Variants in CC2D2A observed in about 807,000 individuals in gnomAD.
CC2D2A encodes the protein coiled-coil and C2 domain containing 2A, also known as coiled-coil and C2 domain-containing protein 2A.
CC2D2A carries 155 observed loss-of-function variants against 212.9 expected under a neutral mutation model. The observed-to-expected ratio is 0.73, with a 90% CI of 0.64 to 0.83. The LOEUF is 0.83. Among genes scored for constraint, CC2D2A ranks in the 40% least tolerant of loss-of-function variants. The pLI is 0.00. For missense variants in CC2D2A, 1,856 were observed against 1,956.2 expected (o/e 0.95, Z 0.97); for synonymous variants, 667 against 686.5 (o/e 0.97, Z 0.44).
chr4:15,534,401 C>T (rs1718013299), intron 14 of CC2D2A, among the ~76,000 whole-genome samples: 1 of 152,134 alleles, frequency 6.6e-6, no homozygotes, highest in African/African-American at 2.4e-5. Context: ...TATAGATATT[C>T]TATGATATTG....
intron 16 of CC2D2A, among the ~76,000 whole-genome samples, chr4:15,539,696 T>C (rs1171594746): frequency 6.6e-6 from 1 of 152,230 alleles, no homozygotes; most frequent in Non-Finnish European, 1.5e-5. Flanking sequence ...CCATACCCTA[T>C]AATTTTAATT....
chr4:15,495,391 G>A (rs542125269), intron 4 of CC2D2A, among the ~76,000 whole-genome samples: 3 of 152,284 alleles, frequency 2.0e-5, no homozygotes, highest in South Asian at 2.1e-4. Context: ...TTACAGGCAT[G>A]AGCCACCACG....
At chr4:15,517,239 G>A (rs1408154050) in intron 11 of CC2D2A, among the ~76,000 whole-genome samples, 3 of 151,718 alleles carry the variant, frequency 2.0e-5, no homozygotes, top group Non-Finnish European at 2.9e-5. Context: ...GAGCCACCGC[G>A]CCCAGCCCAA....
intron 35 of CC2D2A, among the ~76,000 whole-genome samples, chr4:15,598,599 T>G (rs1317158855): frequency 6.6e-6 from 1 of 152,232 alleles, no homozygotes; most frequent in African/African-American, 2.4e-5. Context: ...CATTCCATGC[T>G]TAAACTTCAC....
chr4:15,472,741 T>C (rs1713921362), intron 1 of CC2D2A, among the ~76,000 whole-genome samples: 2 of 152,082 alleles, frequency 1.3e-5, no homozygotes, highest in African/African-American at 4.8e-5. Flanking sequence ...GCCCCCTCAT[T>C]CACTCTAGGT....
At chr4:15,507,995 T>G (rs907226816) in intron 6 of CC2D2A, among the ~76,000 whole-genome samples, 15 of 152,248 alleles carry the variant, frequency 9.9e-5, no homozygotes, top group Admixed American at 8.5e-4. Flanking sequence ...TTAGGAGAGA[T>G]AGGGAATTTG....
intron 4 of CC2D2A, among the ~76,000 whole-genome samples, chr4:15,486,331 A>T (rs1264308078): frequency 6.6e-6 from 1 of 151,948 alleles, no homozygotes; most frequent in Non-Finnish European, 1.5e-5. Flanking sequence ...CTTCTATCTC[A>T]TTACTTGTTT....
rs768618373 is a variant in CC2D2A, at chr4:15,516,698, C to G, written c.1091C>G (p.Pro364Arg). 1 of 1,613,348 alleles carries G rather than the reference C, an allele frequency of 6.2e-7. No individual in the cohort carries two copies. The highest frequency in any genetic ancestry group is 1.3e-5 in the African/African-American group (1 of 75,016). Residue 364 changes from proline (P) to arginine (R), a missense_variant, in exon 11 of 37, where the codon CCG becomes CGG. Physicochemically the swap from Pro to Arg is moderately radical, Grantham distance 103. Transcript: ENST00000424120. ...CCCATCAAGCCATTTCCTTCAAGGC[C>G]GCCAGTACTAACACAGGAGCAGAGC... ...PNPIKPFPSR[P>R]PVLTQEQSIK...
Position 15,559,219 on chromosome 4 carries a change from G to C in CC2D2A, c.2884G>C (p.Asp962His). The change falls in exon 22 of 37, where the codon GAC becomes CAC. Residue 962 changes from aspartate to histidine, a missense_variant. Asp to His is a moderately conservative substitution (Grantham distance 81). Transcript: ENST00000424120. ...TGTAATAGAAACCAAGGAACACATA[G>C]ACACCCATAGGGCCATAGTAGCCAA... Reference protein sequence around the residue: ...RNVIETKEHIDTHRAIVAKYL... With the variant: ...RNVIETKEHIHTHRAIVAKYL... 1 of 1,554,114 alleles carries C rather than the reference G, an allele frequency of 6.4e-7. No individual in the cohort carries two copies. The highest frequency in any genetic ancestry group is 2.4e-5 in the East Asian group (1 of 41,160).
At chr4:15,564,340 C>G (rs1376829448) in intron 24 of CC2D2A, 2 of 151,944 alleles carry the variant, frequency 1.3e-5, no homozygotes, top group Non-Finnish European at 1.5e-5. Flanking sequence ...GCTGGGATTA[C>G]TGGTGTGAGC....
intron 8 of CC2D2A, 81 bp downstream of exon 8, chr4:15,511,504 G>GCAGGTTTCTC: frequency 7.6e-7 from 1 of 1,323,132 alleles, no homozygotes; most frequent in Non-Finnish European, 9.9e-7. Context: ...AAAGAAAGTG[G>GCAGGTTTCTC]CTGAGGAGAA....
rs560524186 is a variant in CC2D2A at position 15,589,013 on chromosome 4, C to A, written c.4180-532C>A. ...TGTCAGAAGATCCAGAATACCTTGA[C>A]AAGGGACTTCTACTTCCCCAACCCC... On this transcript the variant is annotated intron_variant, in intron 32 of 36. Transcript: ENST00000424120. Among the ~76,000 whole-genome samples, 6 of 151,952 alleles carry A rather than the reference C, an allele frequency of 3.9e-5. No homozygotes were observed. In the East Asian group the frequency reaches 1.2e-3, roughly 30 times the overall value.
At chr4:15,579,846 C>A (rs1017521204) in intron 29 of CC2D2A, 122 bp from the exon 30 acceptor site, 8 of 743,910 alleles carry the variant, frequency 1.1e-5, no homozygotes, top group Non-Finnish European at 1.8e-5. Flanking sequence ...GACATGACAG[C>A]TTTGTAAGGA....
At chr4:15,541,434 T>C (rs1182371863) in intron 17 of CC2D2A, among the ~76,000 whole-genome samples, 3 of 152,170 alleles carry the variant, frequency 2.0e-5, no homozygotes, top group Non-Finnish European at 4.4e-5. Context: ...TATGTCTCGA[T>C]AGAGTCTCAA....
Position 15,475,953 on chromosome 4 carries a change from A to G in CC2D2A, c.21A>G (p.Lys7=). ...CCAAAATGAATCCCAGGGAAGAAAA[A>G]GTAAAAATAATTACAGAGGTAAGTG... The part of the protein sequence containing the change: MNPREE[K]VKIITEEFIE... Residue 7 remains lysine (K), a synonymous_variant, in exon 2 of 37, where the codon AAA becomes AAG. Transcript: ENST00000424120. 1 of 1,591,078 alleles carries G rather than the reference A, an allele frequency of 6.3e-7. No homozygotes were observed. Among genetic ancestry groups the G allele is most frequent in the African/African-American group, 1.3e-5 (1 of 74,636 alleles).
In CC2D2A at chr4:15,470,689, CTATATATATATATATATATATATA is replaced by C. The variant is rs199958992; in HGVS notation, c.-19+654_-19+677del. On this transcript the variant is annotated intron_variant, in intron 1 of 36. Transcript: ENST00000424120. ...TCTCTCTCTCTCTCTCTCTCTCTCT[CTATATATATATATATATATATATA>C]TATATATATATATATATATATCCTA... 6.1e-3 allele frequency among the ~76,000 whole-genome samples: 309 copies of C among 50,634 alleles called. 3 individuals carry two copies. The highest frequency in any genetic ancestry group is 0.019 in the African/African-American group (206 of 10,870). The allele number at this position is 50,634 out of a possible 152,430, so 33.2% of individuals were successfully genotyped here.
chr4:15,599,413 C>T, intron 35 of CC2D2A, 116 bp from the exon 36 acceptor site: 1 of 652,004 alleles, frequency 1.5e-6, no homozygotes, highest in Non-Finnish European at 2.5e-6. Context: ...ATAATCACAA[C>T]TCCATCAACA....
chr4:15,538,016 G>T lies in CC2D2A; in HGVS notation c.1882G>T (p.Ala628Ser), dbSNP rs1229418241. ...KPSPPEPTDR[A>S]VIEQEVRERA... is the part of the protein sequence containing the mutation. The stretch of plus-strand genomic sequence containing the variant: ...CAGCCCTCCAGAGCCCACTGATCGG[G>T]CAGTGATAGAGCAGGAGGTGAGGGA... The change falls in exon 16 of 37, where the codon GCA (alanine) becomes TCA (serine). Residue 628 changes from alanine (A) to serine (S), a missense_variant. Coordinates refer to ENST00000424120, the MANE Select transcript of CC2D2A (RefSeq NM_001378615.1). 2 of 1,609,074 alleles carry T rather than the reference G, an allele frequency of 1.2e-6. No homozygotes were observed. Among genetic ancestry groups the T allele is most frequent in the Admixed American group, 1.7e-5 (1 of 59,326 alleles).
chr4:15,470,820 G>T (rs1399188484), intron 1 of CC2D2A, among the ~76,000 whole-genome samples: 1 of 151,396 alleles, frequency 6.6e-6, no homozygotes, highest in Non-Finnish European at 1.5e-5. Context: ...TTTAGAGTGT[G>T]CAAACATAAA....
Sources: allele counts gnomAD v4.1 joint callset (sites outside exome capture counted in the v4.1 genomes callset), GRCh38; gene constraint gnomAD v4.1.1; transcripts MANE v1.5; gene names NCBI Gene and HGNC (gene_info 2026-07-23, HGNC 2026-07-21).